FHL1: variants seen among roughly 807,000 people sequenced by gnomAD.
FHL1 encodes the protein four and a half LIM domains 1.
A neutral mutation model predicts 20.3 loss-of-function variants in FHL1; 1 was observed. The observed-to-expected ratio is 0.05, with a 90% CI of 0.02 to 0.23. The LOEUF is 0.23. Ranked by LOEUF, FHL1 falls within the 10% of genes least tolerant of loss-of-function variation. FHL1 has a pLI of 1.00. For synonymous variants in FHL1, 82 were observed against 88.9 expected (o/e 0.92, Z 0.44); for missense variants, 177 against 234.0 (o/e 0.76, Z 1.59).
intron 1 of FHL1, among the ~76,000 whole-genome samples, chrX:136,160,980 A>G (rs2072549467): frequency 8.9e-6 from 1 of 111,882 alleles, no homozygotes; most frequent in Admixed American, 9.5e-5. Context: ...CAGCTTCACA[A>G]TCGACACCAA....
intron 1 of FHL1, among the ~76,000 whole-genome samples, chrX:136,202,620 G>T (rs1167769516): frequency 9.0e-6 from 1 of 110,872 alleles, no homozygotes; most frequent in Non-Finnish European, 1.9e-5. Flanking sequence ...GCTGGGTGTG[G>T]TGTCACATGC....
chrX:136,208,608 A>C lies in FHL1; in HGVS notation c.703A>C (p.Lys235Gln). ...GGATTGCTACAAGAACTTTGTGGCC[A>C]AGAAGTGTGCTGGATGCAAGAACCC... ...CVDCYKNFVA[K>Q]KCAGCKNPIT... The change falls in exon 5 of 6, where the codon AAG (lysine) becomes CAG (glutamine). Residue 235 changes from lysine to glutamine, a missense_variant. By Grantham distance (53) the Lys-to-Gln change is moderately conservative. Coordinates refer to ENST00000370683, the MANE Select transcript of FHL1 (RefSeq NM_001159699.2). 1 of 1,211,577 alleles carries C rather than the reference A, an allele frequency of 8.3e-7. No homozygotes were observed. Among genetic ancestry groups the C allele is most frequent in the Non-Finnish European group, 1.1e-6 (1 of 895,445 alleles).
intron 1 of FHL1, among the ~76,000 whole-genome samples, chrX:136,199,344 T>C (rs1054512702): frequency 7.1e-5 from 8 of 112,337 alleles, no homozygotes; most frequent in Admixed American, 2.8e-4. Flanking sequence ...TTGTTTTTTT[T>C]CTAAATGCAG....
rs1569530422 is a variant in FHL1 at position 136,207,731 on chromosome X, G to A, written c.380-61G>A. 6 of 1,177,525 alleles carry A rather than the reference G, an allele frequency of 5.1e-6. No individual in the cohort carries two copies. In the East Asian group the frequency reaches 1.8e-4, roughly 35 times the overall value. On this transcript the variant is annotated intron_variant, in intron 3 of 5. Transcript: ENST00000370683. ...TCTGGAGGGCCTGGGGAGGGGAGCT[G>A]AGTGGATGCAGCCCCCTGCAGAGCC...
chrX:136,185,545 G>T (rs771294743), intron 2 of FHL1, among the ~76,000 whole-genome samples: 1 of 111,753 alleles, frequency 8.9e-6, no homozygotes, highest in Non-Finnish European at 1.9e-5. Flanking sequence ...TGCTGGTGAC[G>T]TTTCTCTTTC....
chrX:136,199,585 C>T (rs1258041599), intron 1 of FHL1, among the ~76,000 whole-genome samples: 1 of 112,422 alleles, frequency 8.9e-6, no homozygotes, highest in African/African-American at 3.2e-5. Context: ...TTGGCTAAGG[C>T]TTTGCTCCAT....
chrX:136,184,026 A>G (rs746033355), intron 2 of FHL1, among the ~76,000 whole-genome samples: 2 of 112,021 alleles, frequency 1.8e-5, no homozygotes, highest in Admixed American at 9.5e-5. Context: ...CTGAATGATA[A>G]TCTTGACAAA....
At chrX:136,186,891 GATA>G (rs2073317400) in intron 2 of FHL1, among the ~76,000 whole-genome samples, 1 of 46,281 alleles carries the variant, frequency 2.2e-5, no homozygotes, top group African/African-American at 6.3e-5. Flanking sequence ...TAGATAGATA[GATA>G]GATAGATAGA....
At chrX:136,173,781 C>T (rs1365994515) in intron 2 of FHL1, among the ~76,000 whole-genome samples, 1 of 107,730 alleles carries the variant, frequency 9.3e-6, no homozygotes. Context: ...TCATTATAAG[C>T]TCTGCCTCCC....
chrX:136,161,383 G>A (rs2072561170), intron 1 of FHL1, among the ~76,000 whole-genome samples: 1 of 112,066 alleles, frequency 8.9e-6, no homozygotes, highest in African/African-American at 3.2e-5. Context: ...AAGTACCAGA[G>A]CAACATACTT....
chrX:136,188,033 TAAAGAATC>T (rs1306129345), intron 2 of FHL1, among the ~76,000 whole-genome samples: 1 of 111,551 alleles, frequency 9.0e-6, no homozygotes, highest in Non-Finnish European at 1.9e-5. Flanking sequence ...CATGGAAACT[TAAAGAATC>T]ACTGTGAACA....
intron 2 of FHL1, among the ~76,000 whole-genome samples, chrX:136,170,399 G>A (rs1320325708): frequency 9.0e-6 from 1 of 111,299 alleles, no homozygotes; most frequent in Non-Finnish European, 1.9e-5. Flanking sequence ...TTCTCCCTGG[G>A]TGGAAGGAGC....
intron 1 of FHL1, among the ~76,000 whole-genome samples, chrX:136,151,888 C>T (rs1285298488): frequency 9.0e-6 from 1 of 111,694 alleles, no homozygotes; most frequent in African/African-American, 3.3e-5. Flanking sequence ...GAAGATCTTG[C>T]CTGGAGCCTC....
intron 1 of FHL1, among the ~76,000 whole-genome samples, chrX:136,163,088 G>GGGA (rs1011325646): frequency 1.8e-5 from 2 of 112,239 alleles, no homozygotes; most frequent in African/African-American, 6.5e-5. Flanking sequence ...CCATCCACCA[G>GGGA]GGAGGAGCTC....
In FHL1 at chrX:136,210,269, C is replaced by T; in HGVS notation, c.*244C>T. 2.0e-6 allele frequency: 1 copy of T among 491,280 alleles called. No individual in the cohort carries two copies. The highest frequency in any genetic ancestry group is 2.3e-5 in the African/African-American group (1 of 43,566). 40.5% of individuals were successfully genotyped at this position (491,280 alleles called of 1,213,427 possible). A position where few individuals can be genotyped will look rare whatever the true frequency, so the allele number is the denominator to read the frequency against. Reference sequence around the variant, plus strand: ...TCCGGCTGCAATTTAAAAATGAAAACTTAGGTAGATTGACTCTTCTGCATG... The same window carrying T: ...TCCGGCTGCAATTTAAAAATGAAAATTTAGGTAGATTGACTCTTCTGCATG... On this transcript the variant is annotated 3_prime_UTR_variant, in exon 6 of 6. Transcript: ENST00000370683.
At chrX:136,165,285 A>G (rs1238853656), upstream of FHL1, among the ~76,000 whole-genome samples, 1 of 112,123 alleles carries the variant, frequency 8.9e-6, no homozygotes, top group Admixed American at 9.5e-5. Flanking sequence ...CTTATTTCCA[A>G]TAAATTATTT....
chrX:136,180,118 C>T (rs1190752828), intron 2 of FHL1, among the ~76,000 whole-genome samples: 1 of 112,052 alleles, frequency 8.9e-6, no homozygotes, highest in Admixed American at 9.5e-5. Flanking sequence ...GACGTAGTAA[C>T]TCAAATGTGC....
intron 1 of FHL1, among the ~76,000 whole-genome samples, chrX:136,203,820 T>C (rs1277505547): frequency 8.9e-6 from 1 of 112,471 alleles, no homozygotes; most frequent in East Asian, 2.8e-4. Flanking sequence ...CATTGTGTTT[T>C]CTAGTGTTTT....
chrX:136,151,908 C>A (rs772760120), intron 1 of FHL1, among the ~76,000 whole-genome samples: 2 of 111,655 alleles, frequency 1.8e-5, no homozygotes, highest in Non-Finnish European at 3.8e-5. Flanking sequence ...CACAGCTGGT[C>A]AAGGTTAGAA....
Sources: gnomAD v4.1 joint callset for allele counts (sites outside exome capture counted in the v4.1 genomes callset) on GRCh38, gnomAD v4.1.1 for gene constraint, MANE v1.5 for transcripts, NCBI Gene and HGNC (gene_info 2026-07-23, HGNC 2026-07-21) for gene names.